The following RNF44 variants were observed in gnomAD, a reference collection of about 807,000 sequenced individuals.
RNF44 encodes ring finger protein 44.
In RNF44, 25 loss-of-function variants were observed where a neutral mutation model predicts 53.6. That is an observed-to-expected ratio of 0.47 (90% CI 0.34 to 0.65). The LOEUF (loss-of-function observed/expected upper bound fraction) is 0.65, where lower values mean the gene tolerates loss of function less well. Among genes scored for constraint, RNF44 ranks in the 30% least tolerant of loss-of-function variants. RNF44 has a pLI of 0.01. For synonymous variants in RNF44, 282 were observed against 252.2 expected, an observed-to-expected ratio of 1.12 and a Z score of -1.12; for missense variants, 581 against 595.5, an observed-to-expected ratio of 0.98 and a Z score of 0.25.
intron 1 of RNF44, among the ~76,000 whole-genome samples, chr5:176,534,735 C>G (rs1360803447): frequency 6.6e-6 from 1 of 152,206 alleles, no homozygotes; most frequent in African/African-American, 2.4e-5. Flanking sequence ...ATGCTGTTTC[C>G]CCGGCGCCAA....
In RNF44 at chr5:176,532,240, G is replaced by A. The variant is rs182036273; in HGVS notation, c.108-47C>T. ...CCGATAGGACTGAGGGGGGCCACTCGTGCACAGAGCAGGGAGAGAAGCCAG... is the reference window on the plus strand; with the variant it reads ...CCGATAGGACTGAGGGGGGCCACTCATGCACAGAGCAGGGAGAGAAGCCAG... On this transcript the variant is annotated intron_variant, in intron 2 of 10. Coordinates refer to ENST00000274811, the MANE Select transcript of RNF44 (RefSeq NM_014901.5). 5.5e-4 allele frequency: 821 copies of A among 1,497,254 alleles called. 4 individuals carry two copies. The African/African-American group carries it at 0.01, about 19-fold the overall frequency. The allele number at this position is 1,497,254 out of a possible 1,614,324, so 92.7% of individuals were successfully genotyped here.
chr5:176,529,023 T>A lies in RNF44; in HGVS notation c.*5A>T, dbSNP rs758872565. On this transcript the variant is annotated 3_prime_UTR_variant, in exon 11 of 11. Coordinates refer to ENST00000274811, the MANE Select transcript of RNF44 (RefSeq NM_014901.5). The stretch of plus-strand genomic sequence containing the variant: ...GGGTTCTCCCGGGCAGGCGGCTGCG[T>A]GGCCTCACTCAGCCTCCCTGGGCAC... 8 of 1,611,166 alleles carry A rather than the reference T, an allele frequency of 5.0e-6. No homozygotes were observed. Among genetic ancestry groups the A allele is most frequent in the Non-Finnish European group, 6.8e-6 (8 of 1,179,316 alleles).
chr5:176,527,302 G>A lies in RNF44; in HGVS notation c.*1726C>T, dbSNP rs1284996063. Reference sequence around the variant, plus strand: ...TGTTGTATAAATCTTGTTTTTTAATGATGATCTTTTTAAATGCTGTGTTTC... The same window carrying A: ...TGTTGTATAAATCTTGTTTTTTAATAATGATCTTTTTAAATGCTGTGTTTC... On this transcript the variant is annotated 3_prime_UTR_variant, in exon 11 of 11. Transcript: ENST00000274811. The A allele has an allele frequency of 6.6e-6, 1 of 152,428 alleles. No individual in the cohort carries two copies. The highest frequency in any genetic ancestry group is 1.5e-5 in the Non-Finnish European group (1 of 68,036). The allele number at this position is 152,428 out of a possible 1,614,324, so 9.4% of individuals were successfully genotyped here.
At chr5:176,539,331 T>C (rs1011193279), upstream of RNF44, among the ~76,000 whole-genome samples, 3 of 152,362 alleles carry the variant, frequency 2.0e-5, no homozygotes, top group African/African-American at 4.8e-5. Context: ...TATCATCAAC[T>C]GTTCCTTTAC....
chr5:176,529,113 C>T lies in RNF44; in HGVS notation c.1237-23G>A, dbSNP rs200935037. The T allele has an allele frequency of 5.1e-3, 8,256 of 1,612,638 alleles. 24 individuals carry two copies. The highest frequency in any genetic ancestry group is 6.0e-3 in the Non-Finnish European group (7,130 of 1,179,700). On this transcript the variant is annotated intron_variant, in intron 10 of 10. Coordinates refer to ENST00000274811, the MANE Select transcript of RNF44 (RefSeq NM_014901.5). ...GGCCTGTGGGAACATGCACGTCAGG[C>T]GTTGCTCTCACCAGCCCCAACCCAC...
rs1756612181 is a variant in RNF44, at chr5:176,531,031, G to A, written c.466-10C>T. On this transcript the variant is annotated splice_polypyrimidine_tract_variant and intron_variant, in intron 4 of 10. Coordinates refer to ENST00000274811, the MANE Select transcript of RNF44 (RefSeq NM_014901.5). This position sits in a 1 kb window ranked among gnomAD's most constrained non-coding sequence, Gnocchi z 4.2. ...TGCACGCCTGGATAAGCTGCCAAGA[G>A]AGGGGGCAGGGGGCTGAGAACGTTC... The A allele has an allele frequency of 1.4e-6, 2 of 1,439,492 alleles. No individual in the cohort carries two copies. The highest frequency in any genetic ancestry group is 1.8e-6 in the Non-Finnish European group (2 of 1,098,162). 89.2% of individuals were successfully genotyped at this position (1,439,492 alleles called of 1,614,324 possible).
intron 9 of RNF44, 23 bp downstream of exon 9, chr5:176,529,500 G>GGGA (rs1756356203): frequency 6.2e-7 from 1 of 1,613,592 alleles, no homozygotes; most frequent in East Asian, 2.2e-5. Context: ...TCAGAGGGGT[G>GGGA]GGAGGTGGGG....
At chr5:176,533,090 G>A (rs1181555984) in intron 1 of RNF44, among the ~76,000 whole-genome samples, 1 of 152,194 alleles carries the variant, frequency 6.6e-6, no homozygotes, top group Non-Finnish European at 1.5e-5. Context: ...GGGGCTTAGG[G>A]CCAGACCTTT....
upstream of RNF44, chr5:176,537,421 G>GCT (rs1757301115): frequency 6.6e-6 from 1 of 151,742 alleles, no homozygotes; most frequent in African/African-American, 2.4e-5. Flanking sequence ...CCCGCCCCGC[G>GCT]CCGGGAGCTC....
Position 176,531,743 on chromosome 5 carries a change from G to T in RNF44, c.298-113C>A, listed in dbSNP as rs1007728249. On this transcript the variant is annotated intron_variant, in intron 3 of 10. Coordinates refer to ENST00000274811, the MANE Select transcript of RNF44 (RefSeq NM_014901.5). This position sits in a 1 kb window ranked among gnomAD's most constrained non-coding sequence, Gnocchi z 4.2. ...CTGCCGGCTCCCTTCCCTTCTCCACGGCGGCCTACCTCAGTGCAGACCAGA... is the reference window on the plus strand; with the variant it reads ...CTGCCGGCTCCCTTCCCTTCTCCACTGCGGCCTACCTCAGTGCAGACCAGA... The T allele has an allele frequency of 8.4e-7, 1 of 1,186,616 alleles. No homozygotes were observed. Among genetic ancestry groups the T allele is most frequent in the Non-Finnish European group, 1.2e-6 (1 of 856,280 alleles). The allele number at this position is 1,186,616 out of a possible 1,614,324, so 73.5% of individuals were successfully genotyped here.
upstream of RNF44, chr5:176,537,459 A>G (rs1757303782): frequency 6.6e-6 from 1 of 152,096 alleles, no homozygotes; most frequent in Non-Finnish European, 1.5e-5. Flanking sequence ...ACTCGCCGCG[A>G]CCACGCACGT....
At chr5:176,530,345 TCCC>T (rs1290751655) in intron 6 of RNF44, 139 bp from the exon 7 acceptor site, 1 of 342,104 alleles carries the variant, frequency 2.9e-6, no homozygotes, top group African/African-American at 4.3e-5. Context: ...TGGGCCTGCC[TCCC>T]AGCCGCCCCG....
upstream of RNF44, chr5:176,537,443 C>G (rs1460813182): frequency 1.3e-5 from 2 of 152,240 alleles, no homozygotes; most frequent in Non-Finnish European, 2.9e-5. Flanking sequence ...GCCCTGAGAG[C>G]CAATCACTCG....
chr5:176,539,087 C>G (rs1008590792), upstream of RNF44, among the ~76,000 whole-genome samples: 10 of 152,186 alleles, frequency 6.6e-5, no homozygotes, highest in African/African-American at 2.4e-4. Flanking sequence ...GCTTGGGGAA[C>G]AGACATGTTT....
chr5:176,535,126 CAT>C (rs1491230462), intron 1 of RNF44, among the ~76,000 whole-genome samples: 1 of 152,222 alleles, frequency 6.6e-6, no homozygotes, highest in Non-Finnish European at 1.5e-5. Context: ...CAGACTCACA[CAT>C]GACAGTGACT....
Position 176,529,822 on chromosome 5 carries a change from G to A in RNF44, c.927-4C>T, listed in dbSNP as rs1212468874. 6.3e-6 allele frequency: 10 copies of A among 1,594,058 alleles called. No homozygotes were observed. Among genetic ancestry groups the A allele is most frequent in the Non-Finnish European group, 7.7e-6 (9 of 1,170,242 alleles). The stretch of plus-strand genomic sequence containing the variant: ...TGGTGACATTGGCAGCATCGAGCTA[G>A]AGAGAGACAAGTGTGGGGGCCCAGG... On this transcript the variant is annotated splice_polypyrimidine_tract_variant and splice_region_variant and intron_variant, in intron 7 of 10. Coordinates refer to ENST00000274811, the MANE Select transcript of RNF44 (RefSeq NM_014901.5).
intron 1 of RNF44, chr5:176,535,859 T>G (rs1025551716): frequency 6.6e-6 from 1 of 152,204 alleles, no homozygotes; most frequent in Non-Finnish European, 1.5e-5. Context: ...CGGAGCTCTG[T>G]GTGAACGGGT....
rs1209122873 is a variant in RNF44, at chr5:176,528,924, C to A, written c.*104G>T. Reference sequence around the variant, plus strand: ...CCAGCTCTGGAAATGCAGGCAGGAGCGAAGGGGCAGGCCTGGGCCACTCCC... The same window carrying A: ...CCAGCTCTGGAAATGCAGGCAGGAGAGAAGGGGCAGGCCTGGGCCACTCCC... On this transcript the variant is annotated 3_prime_UTR_variant, in exon 11 of 11. Coordinates refer to ENST00000274811, the MANE Select transcript of RNF44 (RefSeq NM_014901.5). The A allele has an allele frequency of 1.8e-6, 2 of 1,089,326 alleles. No homozygotes were observed. Among genetic ancestry groups the A allele is most frequent in the African/African-American group, 1.6e-5 (1 of 63,648 alleles). The allele number at this position is 1,089,326 out of a possible 1,614,324, so 67.5% of individuals were successfully genotyped here.
rs935448408 is a variant in RNF44 at position 176,528,520 on chromosome 5, G to C, written c.*508C>G. 6.3e-6 allele frequency: 1 copy of C among 157,998 alleles called. No individual in the cohort carries two copies. Among genetic ancestry groups the C allele is most frequent in the African/African-American group, 2.4e-5 (1 of 41,546 alleles). The allele number at this position is 157,998 out of a possible 1,614,324, so 9.8% of individuals were successfully genotyped here. ...ACAGAGCCAGCTGCCTGAGTTCACT[G>C]TTCGGGGTCAAGGAGGGGGGATTCA... On this transcript the variant is annotated 3_prime_UTR_variant, in exon 11 of 11. Coordinates refer to ENST00000274811, the MANE Select transcript of RNF44 (RefSeq NM_014901.5).
Sources: gnomAD v4.1 joint callset for allele counts (sites outside exome capture counted in the v4.1 genomes callset) on GRCh38, gnomAD v4.1.1 for gene constraint, Gnocchi (gnomAD v3.1) non-coding constraint, MANE v1.5 for transcripts, NCBI Gene and HGNC (gene_info 2026-07-23, HGNC 2026-07-21) for gene names.